Variants in SPOCK1 observed in about 807,000 individuals in gnomAD.
SPOCK1 encodes the protein SPARC (osteonectin), cwcv and kazal like domains proteoglycan 1.
In SPOCK1, 23 loss-of-function variants were observed where a neutral mutation model predicts 55.3. The ratio of observed to expected loss-of-function variants is 0.42; its 90% confidence interval spans 0.30 to 0.59. The LOEUF (loss-of-function observed/expected upper bound fraction) is 0.59, where lower values mean the gene tolerates loss of function less well. Ranked by LOEUF, SPOCK1 falls within the 20% of genes least tolerant of loss-of-function variation. The pLI is 0.22. For missense variants in SPOCK1, 499 were observed against 552.5 expected, an observed-to-expected ratio of 0.90 and a Z score of 0.97; for synonymous variants, 226 against 221.0, an observed-to-expected ratio of 1.02 and a Z score of -0.20.
chr5:137,065,847 A>C (rs1209390872), intron 6 of SPOCK1, among the ~76,000 whole-genome samples: 1 of 152,188 alleles, frequency 6.6e-6, no homozygotes. Context: ...TTTTAATGGC[A>C]ATGGGGTTAC....
At chr5:137,277,674 T>C (rs1433346581) in intron 2 of SPOCK1, among the ~76,000 whole-genome samples, 1 of 152,128 alleles carries the variant, frequency 6.6e-6, no homozygotes, top group African/African-American at 2.4e-5. Context: ...ATCTGTGAAA[T>C]AGGGGATGAA....
intron 2 of SPOCK1, among the ~76,000 whole-genome samples, chr5:137,404,917 A>G (rs184569385): frequency 6.6e-6 from 1 of 152,342 alleles, no homozygotes; most frequent in African/African-American, 2.4e-5. Context: ...ATTAGTTTTT[A>G]TGTTTAAAAA....
At chr5:137,465,891 C>T (rs558390525) in intron 2 of SPOCK1, among the ~76,000 whole-genome samples, 1 of 152,298 alleles carries the variant, frequency 6.6e-6, no homozygotes, top group South Asian at 2.1e-4. Flanking sequence ...TACAAAATTA[C>T]AGCACAAGGT....
chr5:137,479,823 C>A (rs546157116), intron 2 of SPOCK1, among the ~76,000 whole-genome samples: 11 of 152,188 alleles, frequency 7.2e-5, no homozygotes, highest in Non-Finnish European at 1.6e-4. Flanking sequence ...ATAATTTAAC[C>A]CGTCCTAACT....
intron 2 of SPOCK1, among the ~76,000 whole-genome samples, chr5:137,450,874 C>CCTCT (rs10641068): frequency 1 from 151,389 of 151,936 alleles, 75,423 homozygotes; most frequent in Middle Eastern, 1. Context: ...GGCTGCTCCA[C>CCTCT]CTCTCTCACC....
In SPOCK1 at chr5:137,499,236, G is replaced by T. The variant is rs1310049151; in HGVS notation, c.-58C>A. 6.6e-6 allele frequency: 1 copy of T among 151,982 alleles called. No individual in the cohort carries two copies. The highest frequency in any genetic ancestry group is 2.4e-5 in the African/African-American group (1 of 41,402). The allele number at this position is 151,982 out of a possible 1,614,324, so 9.4% of individuals were successfully genotyped here. A position where few individuals can be genotyped will look rare whatever the true frequency, so the allele number is the denominator to read the frequency against. On this transcript the variant is annotated 5_prime_UTR_variant, in exon 1 of 11. Coordinates refer to ENST00000394945, the MANE Select transcript of SPOCK1 (RefSeq NM_004598.4). Reference sequence around the variant, plus strand: ...TTGCTCGAGCTCCCGCGGCACGGTCGCCGGGAAGGCTGATCGCCGGCTCGC... The same window carrying T: ...TTGCTCGAGCTCCCGCGGCACGGTCTCCGGGAAGGCTGATCGCCGGCTCGC...
At chr5:137,394,559 A>T (rs1452322142) in intron 2 of SPOCK1, among the ~76,000 whole-genome samples, 3 of 152,186 alleles carry the variant, frequency 2.0e-5, no homozygotes, top group African/African-American at 7.2e-5. Flanking sequence ...GCTGGTGACC[A>T]CATGTGAAGC....
chr5:137,188,939 G>C (rs1755124772), intron 3 of SPOCK1, among the ~76,000 whole-genome samples: 1 of 152,238 alleles, frequency 6.6e-6, no homozygotes, highest in Non-Finnish European at 1.5e-5. Context: ...GAAAGTTTCA[G>C]TGCTCTAGAT....
chr5:137,467,255 G>A (rs929759129), intron 2 of SPOCK1, among the ~76,000 whole-genome samples: 1 of 152,218 alleles, frequency 6.6e-6, no homozygotes, highest in African/African-American at 2.4e-5. Context: ...GGCTAGAGAT[G>A]AGTCACTAGG....
intron 2 of SPOCK1, among the ~76,000 whole-genome samples, chr5:137,407,793 T>C (rs1038628618): frequency 1.3e-5 from 2 of 152,184 alleles, no homozygotes; most frequent in African/African-American, 4.8e-5. Context: ...AGCAGAGCCA[T>C]AGAGACAGAG....
chr5:137,224,343 G>T (rs962733873), intron 3 of SPOCK1, among the ~76,000 whole-genome samples: 5 of 152,232 alleles, frequency 3.3e-5, no homozygotes, highest in African/African-American at 9.6e-5. Flanking sequence ...TGCCATGTAG[G>T]CAGGGTATAC....
chr5:137,142,696 G>A (rs1438398447), intron 3 of SPOCK1, among the ~76,000 whole-genome samples: 1 of 152,212 alleles, frequency 6.6e-6, no homozygotes, highest in Non-Finnish European at 1.5e-5. Context: ...TGCAAGGCAG[G>A]TGGCAGGGCC....
intron 2 of SPOCK1, among the ~76,000 whole-genome samples, chr5:137,362,487 G>A (rs544702300): frequency 1.7e-4 from 26 of 151,918 alleles, no homozygotes; most frequent in South Asian, 4.2e-4. Flanking sequence ...CCGCCACCAC[G>A]CCCGGCTAAT....
chr5:137,235,537 G>A (rs1162147948), intron 3 of SPOCK1, among the ~76,000 whole-genome samples: 2 of 152,206 alleles, frequency 1.3e-5, no homozygotes, highest in East Asian at 3.9e-4. Context: ...TTAGAGAAAT[G>A]AGTATGGGCA....
intron 2 of SPOCK1, among the ~76,000 whole-genome samples, chr5:137,474,613 A>G (rs1389235092): frequency 1.3e-5 from 2 of 152,228 alleles, no homozygotes; most frequent in Non-Finnish European, 2.9e-5. Flanking sequence ...GACTGGGGAA[A>G]TGCAAGATAA....
rs554617013 is a variant in SPOCK1, at chr5:137,472,972, C to CTGTA, written c.186+25397_186+25400dup. ...TTCATCACATATTCTGTTGGCAAGG[C>CTGTA]TGTAGGGAGCCAAGCACTGTTCTAT... On this transcript the variant is annotated intron_variant, in intron 2 of 10. Coordinates refer to ENST00000394945, the MANE Select transcript of SPOCK1 (RefSeq NM_004598.4). Among the ~76,000 whole-genome samples, 587 of 152,270 alleles carry CTGTA rather than the reference C, an allele frequency of 3.9e-3. 3 individuals are homozygous for CTGTA. Among genetic ancestry groups the CTGTA allele is most frequent in the African/African-American group, 0.013 (543 of 41,558 alleles).
At chr5:137,045,114 G>C (rs1243979335) in intron 6 of SPOCK1, among the ~76,000 whole-genome samples, 2 of 151,032 alleles carry the variant, frequency 1.3e-5, no homozygotes. Context: ...ACGTGTGCAT[G>C]TGTCTTTATA....
chr5:137,044,004 T>A (rs989244994), intron 6 of SPOCK1, among the ~76,000 whole-genome samples: 4 of 152,206 alleles, frequency 2.6e-5, no homozygotes, highest in Non-Finnish European at 4.4e-5. Context: ...CTCTCTACTA[T>A]CTTTGCAATA....
intron 5 of SPOCK1, among the ~76,000 whole-genome samples, chr5:137,107,422 A>G (rs896882816): frequency 6.6e-6 from 1 of 152,216 alleles, no homozygotes; most frequent in Non-Finnish European, 1.5e-5. Context: ...CAGAGTCTAT[A>G]TCACACTCTC....
Sources: allele counts gnomAD v4.1 joint callset (sites outside exome capture counted in the v4.1 genomes callset), GRCh38; gene constraint gnomAD v4.1.1; transcripts MANE v1.5; gene names NCBI Gene and HGNC (gene_info 2026-07-23, HGNC 2026-07-21).